Variants in KIF16B observed in about 807,000 individuals in gnomAD.
KIF16B encodes kinesin-like protein KIF16B.
A neutral mutation model predicts 156.3 loss-of-function variants in KIF16B; 98 were observed. The observed-to-expected ratio is 0.63, with a 90% CI of 0.53 to 0.74. KIF16B has a LOEUF of 0.74. KIF16B is among the 30% of genes least tolerant of loss of function. The pLI, the probability that KIF16B is intolerant of heterozygous loss-of-function variation, is 0.00. For synonymous variants in KIF16B, 564 were observed against 583.7 expected, an observed-to-expected ratio of 0.97 and a Z score of 0.49; for missense variants, 1,421 against 1,606.5, an observed-to-expected ratio of 0.88 and a Z score of 1.97.
chr20:16,423,588 T>C (rs1432643958), intron 15 of KIF16B, among the ~76,000 whole-genome samples: 1 of 152,104 alleles, frequency 6.6e-6, no homozygotes. Flanking sequence ...AAAAATCCTG[T>C]AACAATAAAC....
chr20:16,425,373 A>T (rs8118656), intron 15 of KIF16B, among the ~76,000 whole-genome samples: 17,393 of 152,220 alleles, frequency 0.11, 1,206 homozygotes, highest in Non-Finnish European at 0.17. Flanking sequence ...CTTTAAATAG[A>T]TAAATGACAA....
At chr20:16,461,759 C>T (rs2067351632) in intron 12 of KIF16B, among the ~76,000 whole-genome samples, 1 of 152,078 alleles carries the variant, frequency 6.6e-6, no homozygotes, top group African/African-American at 2.4e-5. Context: ...AGAAAGAAAA[C>T]TCACAAAAAT....
At chr20:16,368,123 AAG>A in intron 22 of KIF16B, 1 of 1,222,856 alleles carries the variant, frequency 8.2e-7, no homozygotes, top group Non-Finnish European at 1.0e-6. Context: ...GGTAGAGAAC[AAG>A]TCACATGCCT....
At chr20:16,309,307 C>G (rs1253642149) in intron 25 of KIF16B, among the ~76,000 whole-genome samples, 1 of 152,156 alleles carries the variant, frequency 6.6e-6, no homozygotes, top group Non-Finnish European at 1.5e-5. Flanking sequence ...CCTCTACTTA[C>G]TATCTTACCA....
chr20:16,418,862 T>A (rs1170764661), intron 15 of KIF16B, among the ~76,000 whole-genome samples: 1 of 152,054 alleles, frequency 6.6e-6, no homozygotes, highest in Non-Finnish European at 1.5e-5. Flanking sequence ...CCTTTCCCCC[T>A]CCCTCAATGT....
At chr20:16,480,402 A>G (rs2067947254) in intron 12 of KIF16B, among the ~76,000 whole-genome samples, 1 of 152,154 alleles carries the variant, frequency 6.6e-6, no homozygotes, top group Non-Finnish European at 1.5e-5. Context: ...TGATTGAAAA[A>G]ACTGAGACCA....
intron 10 of KIF16B, among the ~76,000 whole-genome samples, chr20:16,500,374 T>C (rs2068584249): frequency 1.3e-5 from 2 of 152,196 alleles, no homozygotes; most frequent in African/African-American, 2.4e-5. Context: ...CCTCCTTTCC[T>C]AACATAAAAG....
chr20:16,535,604 C>T (rs1006991408), intron 1 of KIF16B, among the ~76,000 whole-genome samples: 7 of 152,104 alleles, frequency 4.6e-5, no homozygotes, highest in South Asian at 2.1e-4. Flanking sequence ...TTTCCCCATT[C>T]GCTACAATGT....
chr20:16,546,849 T>C (rs945064592), intron 1 of KIF16B, among the ~76,000 whole-genome samples: 8 of 152,130 alleles, frequency 5.3e-5, no homozygotes, highest in African/African-American at 1.9e-4. Context: ...CAATCTTGAC[T>C]CACTGCAACT....
intron 12 of KIF16B, among the ~76,000 whole-genome samples, chr20:16,444,215 T>C (rs1282190808): frequency 6.6e-6 from 1 of 152,242 alleles, no homozygotes; most frequent in African/African-American, 2.4e-5. Context: ...GGCAGTGTCT[T>C]CTACAGTGAA....
intron 12 of KIF16B, among the ~76,000 whole-genome samples, chr20:16,477,155 A>G (rs534422336): frequency 2.9e-4 from 42 of 145,726 alleles, no homozygotes; most frequent in Admixed American, 1.2e-3. Flanking sequence ...AGACCAAGTT[A>G]TTTAATTTCT....
At chr20:16,359,845 C>G (rs973065210) in intron 22 of KIF16B, among the ~76,000 whole-genome samples, 3 of 152,078 alleles carry the variant, frequency 2.0e-5, no homozygotes, top group African/African-American at 7.2e-5. Flanking sequence ...GAGCTACTGT[C>G]CCAAACGGGA....
At chr20:16,390,841 G>A (rs1193786774) in intron 17 of KIF16B, among the ~76,000 whole-genome samples, 1 of 152,208 alleles carries the variant, frequency 6.6e-6, no homozygotes, top group African/African-American at 2.4e-5. Flanking sequence ...GCTGTGAACA[G>A]GCAGGACTCT....
At position 16,513,759 on chromosome 20, in the gene KIF16B, A is replaced by G. The variant is rs77580494; in HGVS notation, c.349-836T>C. 6.8e-3 allele frequency among the ~76,000 whole-genome samples: 1,034 copies of G among 151,878 alleles called. 8 individuals carry two copies. Among genetic ancestry groups the G allele is most frequent in the African/African-American group, 0.022 (913 of 41,392 alleles). On this transcript the variant is annotated intron_variant, in intron 4 of 25. Transcript: ENST00000354981. ...TCGATGGAAAATTTTAATACACCAT[A>G]TTATTTATACAATGTGGGTATAACG... is the stretch of plus-strand genomic sequence containing the variant.
chr20:16,519,088 T>C (rs2069241134), intron 3 of KIF16B, among the ~76,000 whole-genome samples: 1 of 152,146 alleles, frequency 6.6e-6, no homozygotes, highest in Non-Finnish European at 1.5e-5. Flanking sequence ...CAAAGAAAAA[T>C]AGAGTTAAAA....
chr20:16,511,964 C>T (rs991333433), intron 5 of KIF16B, among the ~76,000 whole-genome samples: 6 of 151,970 alleles, frequency 3.9e-5, no homozygotes, highest in African/African-American at 1.5e-4. Context: ...CTGACCAACA[C>T]GGTGAAACCC....
intron 12 of KIF16B, among the ~76,000 whole-genome samples, chr20:16,468,280 G>GA (rs1040633554): frequency 2.0e-5 from 3 of 152,120 alleles, no homozygotes; most frequent in Non-Finnish European, 4.4e-5. Context: ...AGATAAAAGG[G>GA]AAAATTATAG....
At chr20:16,277,210 C>A (rs997241244) in intron 25 of KIF16B, among the ~76,000 whole-genome samples, 3 of 152,170 alleles carry the variant, frequency 2.0e-5, no homozygotes, top group Non-Finnish European at 4.4e-5. Context: ...CTGTTGAGTA[C>A]CAGCACTGTG....
chr20:16,514,600 A>G (rs1234524779), intron 4 of KIF16B, among the ~76,000 whole-genome samples: 1 of 150,438 alleles, frequency 6.6e-6, no homozygotes, highest in Non-Finnish European at 1.5e-5. Flanking sequence ...AAAAAAAAAA[A>G]AAAAAACAGG....
Sources: gnomAD v4.1 joint callset for allele counts (sites outside exome capture counted in the v4.1 genomes callset) on GRCh38, gnomAD v4.1.1 for gene constraint, MANE v1.5 for transcripts, NCBI Gene and HGNC (gene_info 2026-07-23, HGNC 2026-07-21) for gene names.